Variants in NOD2 observed in about 807,000 individuals in gnomAD.
NOD2 encodes nucleotide binding oligomerization domain containing 2.
A neutral mutation model predicts 90.9 loss-of-function variants in NOD2; 86 were observed. The observed-to-expected ratio is 0.95, with a 90% CI of 0.79 to 1.13. The LOEUF (loss-of-function observed/expected upper bound fraction) is 1.13, where lower values mean the gene tolerates loss of function less well. Ranked by LOEUF, NOD2 falls within the 50% of genes most tolerant of loss-of-function variation. NOD2 has a pLI of 0.00. For synonymous variants in NOD2, 581 were observed against 554.6 expected (o/e 1.05, Z -0.67); for missense variants, 1,238 against 1,283.8 (o/e 0.96, Z 0.55).
chr16:50,724,870 G>A (rs940409206), intron 9 of NOD2, among the ~76,000 whole-genome samples: 3 of 152,186 alleles, frequency 2.0e-5, no homozygotes, highest in African/African-American at 7.2e-5. Flanking sequence ...TTGTACAGTG[G>A]CTACAAGAGG....
At chr16:50,720,413 G>A (rs1965002367) in intron 7 of NOD2, among the ~76,000 whole-genome samples, 1 of 152,176 alleles carries the variant, frequency 6.6e-6, no homozygotes, top group African/African-American at 2.4e-5. Context: ...AAGCTTCCCA[G>A]GGGATGTACA....
chr16:50,710,123 C>A, intron 3 of NOD2: 1 of 426,202 alleles, frequency 2.3e-6, no homozygotes, highest in South Asian at 1.6e-5. Context: ...CAAAGCCACC[C>A]GGCCACTATG....
Position 50,707,945 on chromosome 16 carries a change from G to T in NOD2, c.550G>T (p.Ala184Ser), listed in dbSNP as rs771887760. ...TGTTCAGGAATTACCAGTCCCATTG[G>T]CCCTGCCTTTGGAAGGTAGGTGTAT... Reference protein sequence around the residue: ...QHVQELPVPLALPLEAATCKK... With the variant: ...QHVQELPVPLSLPLEAATCKK... The change falls in exon 3 of 12, where the codon GCC becomes TCC. Residue 184 changes from alanine to serine, a missense_variant. Ala to Ser is a moderately conservative substitution (Grantham distance 99). This residue lies in a region of NOD2 where 567 missense variants were observed against 577.3 expected (regional missense o/e 0.98). Transcript: ENST00000647318. 7 of 1,612,252 alleles carry T rather than the reference G, an allele frequency of 4.3e-6. No individual in the cohort carries two copies. Among genetic ancestry groups the T allele is most frequent in the Middle Eastern group, 1.7e-4 (1 of 6,050 alleles).
intron 2 of NOD2, among the ~76,000 whole-genome samples, chr16:50,701,138 T>G (rs1963922554): frequency 2.6e-5 from 4 of 152,252 alleles, no homozygotes; most frequent in Admixed American, 2.6e-4. Flanking sequence ...TGGCCAGCAC[T>G]GGTCATTGAC....
In NOD2 at chr16:50,707,880, C is replaced by T. The variant is rs61755182; in HGVS notation, c.485C>T (p.Thr162Met). Residue 162 changes from threonine to methionine, a missense_variant, in exon 3 of 12, where the codon ACG becomes ATG. Thr to Met is a moderately conservative substitution (Grantham distance 81). This residue lies in a region of NOD2 where 567 missense variants were observed against 577.3 expected (regional missense o/e 0.98). Coordinates refer to ENST00000647318, the MANE Select transcript of NOD2 (RefSeq NM_001370466.1). Reference protein sequence around the residue: ...QRARRLLDLATVKANGLAAFL... With the variant: ...QRARRLLDLAMVKANGLAAFL... Reference sequence around the variant, plus strand: ...GCAAGAAGGCTGCTTGATCTTGCCACGGTGAAAGCGAATGGATTGGCTGCC... The same window carrying T: ...GCAAGAAGGCTGCTTGATCTTGCCATGGTGAAAGCGAATGGATTGGCTGCC... 3.0e-3 allele frequency: 4,866 copies of T among 1,613,890 alleles called. 7 individuals are homozygous for T. Among genetic ancestry groups the T allele is most frequent in the Non-Finnish European group, 3.8e-3 (4,432 of 1,179,780 alleles).
At position 50,716,191 on chromosome 16, in the gene NOD2, G is replaced by A. The variant is rs116455309; in HGVS notation, c.2382-396G>A. On this transcript the variant is annotated intron_variant, in intron 4 of 11. Transcript: ENST00000647318. ...CCTAGATGATGGTAAATTGTCCCCAGGGGTAGCCTGTCTAGTTCAGGCTGC... is the reference window on the plus strand; with the variant it reads ...CCTAGATGATGGTAAATTGTCCCCAAGGGTAGCCTGTCTAGTTCAGGCTGC... 2.6e-3 allele frequency among the ~76,000 whole-genome samples: 403 copies of A among 152,338 alleles called. 3 individuals carry two copies. The highest frequency in any genetic ancestry group is 9.0e-3 in the African/African-American group (373 of 41,580).
chr16:50,728,963 T>A (rs1381486543), intron 10 of NOD2: 1 of 153,014 alleles, frequency 6.5e-6, no homozygotes, highest in Non-Finnish European at 1.5e-5. Context: ...ATGATAAAGA[T>A]ATACCCAAGA....
chr16:50,699,464 C>T, intron 1 of NOD2, 24 bp from the exon 2 acceptor site: 1 of 1,604,528 alleles, frequency 6.2e-7, no homozygotes, highest in South Asian at 1.1e-5. Context: ...AGAAGTCCCG[C>T]ACTGACCTTG....
rs571979342 is a variant in NOD2, at chr16:50,712,158, G to T, written c.2166G>T (p.Met722Ile). The T allele has an allele frequency of 8.1e-6, 13 of 1,614,166 alleles. No individual in the cohort carries two copies. Among genetic ancestry groups the T allele is most frequent in the African/African-American group, 1.3e-5 (1 of 75,080 alleles). ...FIWLIRSLYE[M>I]QEERLARKAA... ...GGCTCATCCGGAGCCTGTACGAGAT[G>T]CAGGAGGAGCGGCTGGCTCGGAAGG... The change falls in exon 4 of 12, where the codon ATG becomes ATT. Residue 722 changes from methionine (M) to isoleucine (I), a missense_variant. By Grantham distance (10) the Met-to-Ile change is conservative. Coordinates refer to ENST00000647318, the MANE Select transcript of NOD2 (RefSeq NM_001370466.1).
At chr16:50,705,527 T>A (rs1370867761) in intron 2 of NOD2, among the ~76,000 whole-genome samples, 1 of 152,224 alleles carries the variant, frequency 6.6e-6, no homozygotes, top group South Asian at 2.1e-4. Flanking sequence ...AGTGTTTATA[T>A]CTTTAGATCT....
chr16:50,732,413 C>G lies in NOD2; in HGVS notation c.*594C>G, dbSNP rs1044603870. The G allele has an allele frequency of 6.2e-6, 1 of 161,040 alleles. No homozygotes were observed. Among genetic ancestry groups the G allele is most frequent in the African/African-American group, 2.4e-5 (1 of 41,546 alleles). The allele number at this position is 161,040 out of a possible 1,614,324, so 10.0% of individuals were successfully genotyped here. The stretch of plus-strand genomic sequence containing the variant: ...GCTTTGATATTTCACTTACAGCACC[C>G]CCAACCCTGGCACCCAGGGTGGGAA... On this transcript the variant is annotated 3_prime_UTR_variant, in exon 12 of 12. Transcript: ENST00000647318.
Position 50,699,494 on chromosome 16 carries a change from A to G in NOD2, c.-2A>G. ...ACCTTGTTCTCCTCCCCAGGTTGTG[A>G]AATGTGCTCGCAGGAGGCTTTTCAG... On this transcript the variant is annotated 5_prime_UTR_variant, in exon 2 of 12. Coordinates refer to ENST00000647318, the MANE Select transcript of NOD2 (RefSeq NM_001370466.1). 1.9e-6 allele frequency: 3 copies of G among 1,613,098 alleles called. No homozygotes were observed. The South Asian group carries it at 3.3e-5, about 18-fold the overall frequency.
chr16:50,694,024 C>G (rs1274006803), intron 1 of NOD2, among the ~76,000 whole-genome samples: 1 of 152,130 alleles, frequency 6.6e-6, no homozygotes, highest in Non-Finnish European at 1.5e-5. Flanking sequence ...TCCTCCTTCT[C>G]CCTTGTTGGG....
chr16:50,726,753 C>G (rs1185519508), intron 10 of NOD2, among the ~76,000 whole-genome samples: 1 of 152,160 alleles, frequency 6.6e-6, no homozygotes, highest in Non-Finnish European at 1.5e-5. Context: ...TATATCATCC[C>G]CCACAAAAAT....
chr16:50,719,415 C>A (rs952844767), intron 6 of NOD2, among the ~76,000 whole-genome samples: 7 of 152,160 alleles, frequency 4.6e-5, no homozygotes, highest in Admixed American at 2.0e-4. Context: ...GATCTTCCCC[C>A]ACCCCTAGCC....
chr16:50,707,927 G>A lies in NOD2; in HGVS notation c.532G>A (p.Glu178Lys). Reference sequence around the variant, plus strand: ...TGCCTTCCTTCTACAACATGTTCAGGAATTACCAGTCCCATTGGCCCTGCC... The same window carrying A: ...TGCCTTCCTTCTACAACATGTTCAGAAATTACCAGTCCCATTGGCCCTGCC... Reference protein sequence around the residue: ...LAAFLLQHVQELPVPLALPLE... With the variant: ...LAAFLLQHVQKLPVPLALPLE... The change falls in exon 3 of 12, where the codon GAA (glutamate) becomes AAA (lysine). Residue 178 changes from glutamate (E) to lysine (K), a missense_variant. Physicochemically the swap from Glu to Lys is moderately conservative, Grantham distance 56. Coordinates refer to ENST00000647318, the MANE Select transcript of NOD2 (RefSeq NM_001370466.1). 6.2e-7 allele frequency: 1 copy of A among 1,613,960 alleles called. No individual in the cohort carries two copies. Among genetic ancestry groups the A allele is most frequent in the Non-Finnish European group, 8.5e-7 (1 of 1,179,860 alleles).
At chr16:50,697,227 C>T (rs1324372905) in intron 1 of NOD2, 5 of 1,552,782 alleles carry the variant, frequency 3.2e-6, no homozygotes, top group Admixed American at 2.0e-5. Context: ...CCTGCTCCCC[C>T]AGCCTAATGG....
rs1392823565 is a variant in NOD2, at chr16:50,719,801, T to G, written c.2550-124T>G. On this transcript the variant is annotated intron_variant, in intron 6 of 11. Transcript: ENST00000647318. ...GACCTAGCAGCGAGGGCACCTGATGTGGCTGCTGCCTCCCGGGCAGGTCTT... is the reference window on the plus strand; with the variant it reads ...GACCTAGCAGCGAGGGCACCTGATGGGGCTGCTGCCTCCCGGGCAGGTCTT... The G allele has an allele frequency of 3.6e-6, 3 of 844,642 alleles. 1 individual carries two copies. In the South Asian group the frequency reaches 4.0e-5, roughly 11 times the overall value. 52.3% of individuals were successfully genotyped at this position (844,642 alleles called of 1,614,324 possible).
intron 11 of NOD2, among the ~76,000 whole-genome samples, chr16:50,731,217 ATT>A (rs750589474): frequency 4.6e-5 from 7 of 152,046 alleles, no homozygotes; most frequent in South Asian, 4.2e-4. Flanking sequence ...TGATGGAGAG[ATT>A]TTTCCTTCTG....
Sources: gnomAD v4.1 joint callset for allele counts (sites outside exome capture counted in the v4.1 genomes callset) on GRCh38, gnomAD v4.1.1 for gene constraint, gnomAD v4.1.1 regional missense constraint, MANE v1.5 for transcripts, NCBI Gene and HGNC (gene_info 2026-07-23, HGNC 2026-07-21) for gene names.